GRAMD1B: variants seen among roughly 807,000 people sequenced by gnomAD.
GRAMD1B encodes GRAM domain containing 1B, also known as protein Aster-B.
GRAMD1B carries 37 observed loss-of-function variants against 99.7 expected under a neutral mutation model. The ratio of observed to expected loss-of-function variants is 0.37; its 90% CI spans 0.29 to 0.49. GRAMD1B has a LOEUF of 0.49. Among genes scored for constraint, GRAMD1B ranks in the 20% least tolerant of loss-of-function variants. The pLI, the probability that GRAMD1B is intolerant of heterozygous loss-of-function variation, is 0.98. For missense variants in GRAMD1B, 888 were observed against 1,009.2 expected, an observed-to-expected ratio of 0.88 and a Z score of 1.63; for synonymous variants, 427 against 387.6, an observed-to-expected ratio of 1.10 and a Z score of -1.19.
chr11:123,554,388 T>G (rs1322195668), intron 2 of GRAMD1B, among the ~76,000 whole-genome samples: 1 of 151,536 alleles, frequency 6.6e-6, no homozygotes, highest in East Asian at 1.9e-4. Flanking sequence ...ACAGGGAAAA[T>G]TTAATATTAA....
intron 17 of GRAMD1B, among the ~76,000 whole-genome samples, chr11:123,616,587 A>G (rs751840079): frequency 1.1e-4 from 17 of 152,242 alleles, no homozygotes; most frequent in Non-Finnish European, 1.9e-4. Flanking sequence ...TAGAATGATC[A>G]GACTCTCTAA....
At chr11:123,461,098 A>G (rs1233334010) in intron 1 of GRAMD1B, among the ~76,000 whole-genome samples, 2 of 152,214 alleles carry the variant, frequency 1.3e-5, no homozygotes, top group Admixed American at 1.3e-4. Flanking sequence ...CCATAGTCAT[A>G]AAAAATGTCT....
rs1555127579 is a variant in GRAMD1B at position 123,467,821 on chromosome 11, C to CTTTT, written c.375-12995_375-12994insTTTT. ...TCCTTCTTTTTCTTTCTTTTCTTTT[C>CTTTT]CCTCCCTCCCTCCCTCCCTCCCTTC... On this transcript the variant is annotated intron_variant, in intron 1 of 19. Transcript: ENST00000635736. Among the ~76,000 whole-genome samples the CTTTT allele has an allele frequency of 6.1e-3, 819 of 133,958 alleles. 11 individuals carry two copies. Among genetic ancestry groups the CTTTT allele is most frequent in the African/African-American group, 0.018 (622 of 35,510 alleles). 87.9% of individuals were successfully genotyped at this position (133,958 alleles called of 152,430 possible).
chr11:123,548,305 T>C (rs868501473), intron 2 of GRAMD1B, among the ~76,000 whole-genome samples: 424 of 73,808 alleles, frequency 5.7e-3, no homozygotes, highest in African/African-American at 0.012. Flanking sequence ...TATATATATA[T>C]ATATATATAT....
chr11:123,380,543 C>T (rs970428064), intron 1 of GRAMD1B, among the ~76,000 whole-genome samples: 6 of 152,204 alleles, frequency 3.9e-5, no homozygotes, highest in Non-Finnish European at 7.3e-5. Flanking sequence ...TTATGACTTT[C>T]ATTAAGGCTT....
chr11:123,409,926 C>T (rs575451888), intron 1 of GRAMD1B, among the ~76,000 whole-genome samples: 1 of 152,284 alleles, frequency 6.6e-6, no homozygotes, highest in African/African-American at 2.4e-5. Flanking sequence ...AACAATAGTT[C>T]CGTAACTTAG....
At chr11:123,426,900 G>C (rs1197289516), upstream of GRAMD1B, among the ~76,000 whole-genome samples, 4 of 152,158 alleles carry the variant, frequency 2.6e-5, no homozygotes, top group African/African-American at 9.7e-5. Context: ...ACAGGTGTTG[G>C]GTGTCTTGTG....
At chr11:123,596,117 A>G in intron 7 of GRAMD1B, 80 bp downstream of exon 7, 2 of 776,576 alleles carry the variant, frequency 2.6e-6, no homozygotes, top group East Asian at 2.7e-5. Context: ...CTTGAATCGC[A>G]TGAATGTGGA....
chr11:123,390,138 T>TAAA (rs11462388), intron 1 of GRAMD1B, among the ~76,000 whole-genome samples: 16 of 142,778 alleles, frequency 1.1e-4, no homozygotes, highest in African/African-American at 3.7e-4. Context: ...ATCAATTCAT[T>TAAA]AAAAAAAAAA....
At chr11:123,574,015 A>G (rs1429255214) in intron 2 of GRAMD1B, among the ~76,000 whole-genome samples, 1 of 151,462 alleles carries the variant, frequency 6.6e-6, no homozygotes, top group African/African-American at 2.4e-5. Flanking sequence ...CAAGGTGGAG[A>G]TTTAGAAAAG....
At chr11:123,545,122 C>T (rs1463474511) in intron 2 of GRAMD1B, among the ~76,000 whole-genome samples, 1 of 152,206 alleles carries the variant, frequency 6.6e-6, no homozygotes, top group East Asian at 1.9e-4. Flanking sequence ...GCCACCAGCT[C>T]CCCTCCTCCA....
At chr11:123,411,569 C>G (rs142190812) in intron 1 of GRAMD1B, among the ~76,000 whole-genome samples, 2 of 152,206 alleles carry the variant, frequency 1.3e-5, no homozygotes, top group Non-Finnish European at 2.9e-5. Flanking sequence ...GTTACATTCC[C>G]CCAGAGATTT....
chr11:123,584,660 G>T (rs1949884626), intron 4 of GRAMD1B, among the ~76,000 whole-genome samples: 1 of 152,056 alleles, frequency 6.6e-6, no homozygotes, highest in African/African-American at 2.4e-5. Flanking sequence ...GAATTCTGGT[G>T]CTGGGGCAGC....
chr11:123,496,308 T>C (rs775509891), intron 2 of GRAMD1B, among the ~76,000 whole-genome samples: 150 of 152,302 alleles, frequency 9.8e-4, no homozygotes, highest in Non-Finnish European at 1.8e-3. Flanking sequence ...TTGTCAGGTT[T>C]GCACTGAGAA....
intron 2 of GRAMD1B, among the ~76,000 whole-genome samples, chr11:123,559,461 G>A (rs868721185): frequency 6.6e-6 from 1 of 152,174 alleles, no homozygotes; most frequent in Admixed American, 6.5e-5. Flanking sequence ...GGTGATTGTG[G>A]TGGGAATGAA....
chr11:123,620,763 G>A (rs754943291), intron 19 of GRAMD1B, among the ~76,000 whole-genome samples: 16 of 152,182 alleles, frequency 1.1e-4, no homozygotes, highest in Admixed American at 2.6e-4. Flanking sequence ...ACTCCAGAGC[G>A]CTGAACTAGA....
chr11:123,601,383 T>G (rs2136727680), intron 8 of GRAMD1B, among the ~76,000 whole-genome samples: 1 of 142,278 alleles, frequency 7.0e-6, no homozygotes, highest in Non-Finnish European at 1.6e-5. Context: ...AGACCCTGTT[T>G]CAATTAAAAA....
chr11:123,585,754 C>T (rs1207583075), intron 4 of GRAMD1B, among the ~76,000 whole-genome samples: 1 of 152,198 alleles, frequency 6.6e-6, no homozygotes, highest in African/African-American at 2.4e-5. Flanking sequence ...CAAACTCAGG[C>T]CCCCATAGGG....
chr11:123,576,165 C>T (rs1052215656), intron 2 of GRAMD1B, among the ~76,000 whole-genome samples: 2 of 152,100 alleles, frequency 1.3e-5, no homozygotes, highest in Non-Finnish European at 2.9e-5. Context: ...GCAAATGGGG[C>T]CAATGGGACA....
Sources: allele counts gnomAD v4.1 joint callset (sites outside exome capture counted in the v4.1 genomes callset), GRCh38; gene constraint gnomAD v4.1.1; transcripts MANE v1.5; gene names NCBI Gene and HGNC (gene_info 2026-07-23, HGNC 2026-07-21).